USP7: variants seen among roughly 807,000 people sequenced by gnomAD.
The protein encoded by USP7 is ubiquitin C-terminal hydrolase 7.
Under a neutral mutation model 162.9 loss-of-function variants are expected in USP7, and 9 were observed. The ratio of observed to expected loss-of-function variants is 0.06; its 90% confidence interval spans 0.03 to 0.10. USP7 has a LOEUF of 0.10. Among genes scored for constraint, USP7 ranks in the 10% least tolerant of loss-of-function variants. The pLI, the probability that USP7 is intolerant of heterozygous loss-of-function variation, is 1.00. For synonymous variants in USP7, 562 were observed against 475.9 expected, an observed-to-expected ratio of 1.18 and a Z score of -2.35; for missense variants, 715 against 1,373.7, an observed-to-expected ratio of 0.52 and a Z score of 7.58.
intron 22 of USP7, 52 bp from the exon 23 acceptor site, chr16:8,899,240 C>A: frequency 1.3e-6 from 2 of 1,569,992 alleles, no homozygotes; most frequent in South Asian, 2.2e-5. Context: ...GAAACTTGGT[C>A]ATAAACTTCA....
rs965479488 is a variant in USP7, at chr16:8,905,141, C to T, written c.1573+46G>A. On this transcript the variant is annotated intron_variant, in intron 14 of 30. Transcript: ENST00000344836. ...ATTGGAGATTCATGGTACAAATGTCCAAGTCCACCACAGTAAAGAACAGAA... is the reference window on the plus strand; with the variant it reads ...ATTGGAGATTCATGGTACAAATGTCTAAGTCCACCACAGTAAAGAACAGAA... The T allele has an allele frequency of 4.4e-6, 7 of 1,593,730 alleles. 1 individual carries two copies. The South Asian group carries it at 6.6e-5, about 15-fold the overall frequency.
Position 8,903,301 on chromosome 16 carries a change from A to T in USP7, c.1806T>A (p.Leu602=). The part of the protein sequence containing the change: ...TVFKVLKNSS[L]AEFVQSLSQT... ...GAGAGAGGCTCTGAACAAACTCAGC[A>T]AGCGAGGAGTTCTTCAATACTTTGA... Residue 602 remains leucine, a synonymous_variant, in exon 16 of 31, where the codon CTT becomes CTA. Transcript: ENST00000344836. 6.2e-7 allele frequency: 1 copy of T among 1,614,060 alleles called. No individual in the cohort carries two copies. Among genetic ancestry groups the T allele is most frequent in the Non-Finnish European group, 8.5e-7 (1 of 1,179,970 alleles).
At chr16:8,952,931 G>T (rs572105848) in intron 1 of USP7, among the ~76,000 whole-genome samples, 14 of 152,124 alleles carry the variant, frequency 9.2e-5, no homozygotes, top group African/African-American at 3.4e-4. Context: ...CCGCTTCCTG[G>T]GTTCAAGCGA....
intron 2 of USP7, 95 bp downstream of exon 2, chr16:8,930,198 C>A: frequency 3.2e-6 from 3 of 938,590 alleles, no homozygotes; most frequent in Non-Finnish European, 4.8e-6. Context: ...CTCAGAAGTA[C>A]CCAAGGATGT....
chr16:8,929,333 G>T, intron 2 of USP7: 1 of 375,102 alleles, frequency 2.7e-6, no homozygotes, highest in South Asian at 2.0e-5. Context: ...CACTCCACAG[G>T]TAACAAAGCA....
chr16:8,941,392 G>A (rs868699289), intron 1 of USP7, among the ~76,000 whole-genome samples: 6 of 152,168 alleles, frequency 3.9e-5, no homozygotes, highest in South Asian at 2.1e-4. Context: ...TTTTAACAAA[G>A]AAAACATCTT....
At chr16:8,954,542 A>AT (rs1899703302) in intron 1 of USP7, among the ~76,000 whole-genome samples, 1 of 152,278 alleles carries the variant, frequency 6.6e-6, no homozygotes, top group South Asian at 2.1e-4. Context: ...TCCACAATCT[A>AT]TTTTTTGCAA....
Position 8,904,474 on chromosome 16 carries a change from C to T in USP7, c.1665G>A (p.Arg555=). Residue 555 remains arginine, a synonymous_variant, in exon 15 of 31, where the codon CGG becomes CGA. Coordinates refer to ENST00000344836, the MANE Select transcript of USP7 (RefSeq NM_003470.3). ...AGAGATGGGCTTCCTGCCGCTCCTT[C>T]CGCTTCTGAGCCTCGATCCTTTTCT... ...QEEKRIEAQK[R]KERQEAHLYM... 6.2e-7 allele frequency: 1 copy of T among 1,614,180 alleles called. No individual in the cohort carries two copies. Among genetic ancestry groups the T allele is most frequent in the Non-Finnish European group, 8.5e-7 (1 of 1,180,052 alleles).
intron 1 of USP7, among the ~76,000 whole-genome samples, chr16:8,953,557 C>A (rs1899660883): frequency 7.1e-6 from 1 of 141,548 alleles, no homozygotes; most frequent in Non-Finnish European, 1.5e-5. Flanking sequence ...CATGCGGCGC[C>A]ACCGGAAGCA....
intron 8 of USP7, among the ~76,000 whole-genome samples, chr16:8,916,057 T>A (rs886645857): frequency 1.3e-5 from 2 of 152,194 alleles, no homozygotes; most frequent in African/African-American, 4.8e-5. Flanking sequence ...GATTTGCTAG[T>A]GATTAGTGAT....
intron 6 of USP7, 63 bp downstream of exon 6, chr16:8,918,966 GCT>G: frequency 6.6e-7 from 1 of 1,524,014 alleles, no homozygotes; most frequent in Non-Finnish European, 9.1e-7. Context: ...AGAGGACTTT[GCT>G]CTGATATACC....
intron 25 of USP7, 48 bp from the exon 26 acceptor site, chr16:8,897,147 G>A: frequency 7.2e-7 from 1 of 1,397,640 alleles, no homozygotes; most frequent in Non-Finnish European, 1.0e-6. Context: ...AGCATAAAAG[G>A]TCTGCTACCA....
intron 20 of USP7, 21 bp from the exon 21 acceptor site, chr16:8,900,651 T>C (rs760071279): frequency 1.2e-5 from 18 of 1,560,942 alleles, no homozygotes; most frequent in South Asian, 5.7e-5. Context: ...AGATATAAAA[T>C]TGTTACACTG....
chr16:8,898,211 A>T, intron 25 of USP7, 149 bp downstream of exon 25: 2 of 688,210 alleles, frequency 2.9e-6, no homozygotes, highest in Non-Finnish European at 4.8e-6. Flanking sequence ...GAGGCAGGAA[A>T]GACTGGCCCA....
At chr16:8,897,748 A>ATATAT (rs2061711307) in intron 25 of USP7, among the ~76,000 whole-genome samples, 1 of 78,486 alleles carries the variant, frequency 1.3e-5, no homozygotes, top group Non-Finnish European at 2.7e-5. Flanking sequence ...TATATATATA[A>ATATAT]ATGAGTTGGG....
At chr16:8,956,673 G>A (rs1397152701) in intron 1 of USP7, among the ~76,000 whole-genome samples, 2 of 152,030 alleles carry the variant, frequency 1.3e-5, no homozygotes, top group Admixed American at 6.6e-5. Context: ...TGAGGCAGGA[G>A]TATGGCTTAA....
chr16:8,902,589 T>C lies in USP7; in HGVS notation c.1840-107A>G, dbSNP rs1459297875. 28 of 930,582 alleles carry C rather than the reference T, an allele frequency of 3.0e-5. No individual in the cohort carries two copies. In the South Asian group the frequency reaches 4.7e-4, roughly 16 times the overall value. 57.6% of individuals were successfully genotyped at this position (930,582 alleles called of 1,614,324 possible). A position where few individuals can be genotyped will look rare whatever the true frequency, so the allele number is the denominator to read the frequency against. ...CATATACATATATATATATAGTCAA[T>C]GTTAAGACTGTGATCGTAGGCCAGG... On this transcript the variant is annotated intron_variant, in intron 16 of 30. Coordinates refer to ENST00000344836, the MANE Select transcript of USP7 (RefSeq NM_003470.3).
At chr16:8,943,672 C>G (rs1296899991) in intron 1 of USP7, among the ~76,000 whole-genome samples, 3 of 152,186 alleles carry the variant, frequency 2.0e-5, no homozygotes, top group African/African-American at 7.2e-5. Flanking sequence ...TGGGTAGAGT[C>G]GAATGGCTGG....
chr16:8,922,675 C>A (rs11075031), intron 3 of USP7, among the ~76,000 whole-genome samples: 6,985 of 152,282 alleles, frequency 0.046, 221 homozygotes, highest in Middle Eastern at 0.14. Context: ...CCAGAATCAA[C>A]TGGGTTTTTG....
Sources: gnomAD v4.1 joint callset for allele counts (sites outside exome capture counted in the v4.1 genomes callset) on GRCh38, gnomAD v4.1.1 for gene constraint, MANE v1.5 for transcripts, NCBI Gene and HGNC (gene_info 2026-07-23, HGNC 2026-07-21) for gene names.